Variants in LYPD6 observed in about 807,000 individuals in gnomAD.
LYPD6 encodes the protein ly6/PLAUR domain-containing protein 6.
A neutral mutation model predicts 22.7 loss-of-function variants in LYPD6; 15 were observed. That is an observed-to-expected ratio of 0.66 (90% CI 0.44 to 1.02). The LOEUF is 1.02. Ranked by LOEUF, LYPD6 falls within the 50% of genes least tolerant of loss-of-function variation. The pLI, the probability that LYPD6 is intolerant of heterozygous loss-of-function variation, is 0.00. For synonymous variants in LYPD6, 72 were observed against 77.5 expected (o/e 0.93, Z 0.37); for missense variants, 189 against 208.4 (o/e 0.91, Z 0.57).
At chr2:149,382,908 A>C (rs1456779730) in intron 1 of LYPD6, among the ~76,000 whole-genome samples, 1 of 152,140 alleles carries the variant, frequency 6.6e-6, no homozygotes, top group Non-Finnish European at 1.5e-5. Context: ...GATAAAAGGC[A>C]ATATATCTAG....
At chr2:149,382,767 G>GCCTGTTTGCT (rs1463204481) in intron 1 of LYPD6, among the ~76,000 whole-genome samples, 1,315 of 47,294 alleles carry the variant, frequency 0.028, 21 homozygotes, top group African/African-American at 0.19. Flanking sequence ...AAAAGTAGTA[G>GCCTGTTTGCT]ATTTGATAGC....
At chr2:149,443,351 C>T (rs143962303) in intron 2 of LYPD6, among the ~76,000 whole-genome samples, 1 of 152,160 alleles carries the variant, frequency 6.6e-6, no homozygotes, top group Non-Finnish European at 1.5e-5. Flanking sequence ...ATTTTACTGG[C>T]TGCAGTGACA....
At chr2:149,476,912 A>C (rs1681456832), downstream of LYPD6, among the ~76,000 whole-genome samples, 1 of 152,202 alleles carries the variant, frequency 6.6e-6, no homozygotes, top group Admixed American at 6.5e-5. Flanking sequence ...TCTGTGAACA[A>C]CGAGCAACCC....
intron 1 of LYPD6, among the ~76,000 whole-genome samples, chr2:149,338,754 T>G (rs1275958494): frequency 6.6e-6 from 1 of 152,180 alleles, no homozygotes; most frequent in African/African-American, 2.4e-5. Context: ...AGACAAATAT[T>G]AACACCTGAT....
At chr2:149,452,130 C>T (rs574042136) in intron 3 of LYPD6, among the ~76,000 whole-genome samples, 26 of 152,326 alleles carry the variant, frequency 1.7e-4, no homozygotes, top group African/African-American at 6.3e-4. Context: ...AGAGACAAGA[C>T]TCCCCAGGTG....
chr2:149,441,107 T>C (rs977777369), intron 2 of LYPD6, among the ~76,000 whole-genome samples: 34 of 152,198 alleles, frequency 2.2e-4, no homozygotes, highest in African/African-American at 8.0e-4. Context: ...AATGGCGTGG[T>C]TCTATGTCCT....
intron 1 of LYPD6, among the ~76,000 whole-genome samples, chr2:149,385,895 A>T (rs533129814): frequency 6.6e-6 from 1 of 151,930 alleles, no homozygotes; most frequent in South Asian, 2.1e-4. Context: ...TGGGGTTGGG[A>T]CTCCCTTTCC....
At chr2:149,413,584 G>A (rs923576584) in intron 1 of LYPD6, among the ~76,000 whole-genome samples, 9 of 152,152 alleles carry the variant, frequency 5.9e-5, no homozygotes, top group Non-Finnish European at 1.2e-4. Flanking sequence ...CTTGAAATCA[G>A]TTAACAGTTA....
At chr2:149,352,327 T>C (rs1681373770) in intron 1 of LYPD6, among the ~76,000 whole-genome samples, 1 of 152,110 alleles carries the variant, frequency 6.6e-6, no homozygotes, top group Non-Finnish European at 1.5e-5. Context: ...TCTTTTTAAT[T>C]AAAAAAATGA....
At chr2:149,433,468 T>C (rs1409213152) in intron 1 of LYPD6, among the ~76,000 whole-genome samples, 3 of 152,186 alleles carry the variant, frequency 2.0e-5, no homozygotes, top group African/African-American at 4.8e-5. Context: ...TATGGAGATA[T>C]TGCCATACAG....
chr2:149,415,609 G>A (rs1345663330), intron 1 of LYPD6, among the ~76,000 whole-genome samples: 3 of 152,064 alleles, frequency 2.0e-5, no homozygotes, highest in Admixed American at 1.3e-4. Context: ...AGAGAGAGAA[G>A]GGAGGAAGGA....
intron 1 of LYPD6, among the ~76,000 whole-genome samples, chr2:149,365,551 T>TA (rs1681644520): frequency 6.6e-6 from 1 of 152,214 alleles, no homozygotes; most frequent in Admixed American, 6.5e-5. Context: ...CTGCATTTCT[T>TA]ACGCTTATTT....
chr2:149,428,149 A>C (rs1683225561), intron 1 of LYPD6, among the ~76,000 whole-genome samples: 1 of 152,236 alleles, frequency 6.6e-6, no homozygotes, highest in African/African-American at 2.4e-5. Flanking sequence ...TGACATTTTT[A>C]AAACCACCTT....
At chr2:149,344,271 T>C (rs1438745020) in intron 1 of LYPD6, among the ~76,000 whole-genome samples, 1 of 152,204 alleles carries the variant, frequency 6.6e-6, no homozygotes, top group African/African-American at 2.4e-5. Flanking sequence ...TGCATCTACT[T>C]TAAGAGAAGT....
intron 1 of LYPD6, among the ~76,000 whole-genome samples, chr2:149,373,087 T>TG (rs1681846395): frequency 6.6e-6 from 1 of 152,128 alleles, no homozygotes; most frequent in African/African-American, 2.4e-5. Context: ...GGGAGGCTGA[T>TG]GCTGTGGTCA....
chr2:149,407,316 C>G (rs2105117372), intron 1 of LYPD6, among the ~76,000 whole-genome samples: 1 of 152,306 alleles, frequency 6.6e-6, no homozygotes, highest in Non-Finnish European at 1.5e-5. Context: ...TGGATAATAT[C>G]CTGCAGAGTG....
intron 1 of LYPD6, among the ~76,000 whole-genome samples, chr2:149,373,307 G>T (rs1472040850): frequency 6.6e-6 from 1 of 152,208 alleles, no homozygotes; most frequent in Non-Finnish European, 1.5e-5. Flanking sequence ...TAATTAAGTA[G>T]ATGAGTCTGG....
chr2:149,449,247 C>A, intron 3 of LYPD6, 100 bp downstream of exon 3: 1 of 696,336 alleles, frequency 1.4e-6, no homozygotes, highest in Non-Finnish European at 2.5e-6. Flanking sequence ...CTTGCAATCT[C>A]AGCTGCTCCT....
chr2:149,382,302 A>T (rs1181662079), intron 1 of LYPD6, among the ~76,000 whole-genome samples: 1 of 152,184 alleles, frequency 6.6e-6, no homozygotes, highest in Non-Finnish European at 1.5e-5. Context: ...GTCACATCTC[A>T]TACAATGCTA....
Sources: allele counts gnomAD v4.1 joint callset (sites outside exome capture counted in the v4.1 genomes callset), GRCh38; gene constraint gnomAD v4.1.1; transcripts MANE v1.5; gene names NCBI Gene and HGNC (gene_info 2026-07-23, HGNC 2026-07-21).